The following GNAL variants were observed in gnomAD, a reference collection of about 807,000 sequenced individuals.
The protein encoded by GNAL is guanine nucleotide-binding protein G(olf) subunit alpha.
GNAL carries 18 observed loss-of-function variants against 55.1 expected under a neutral mutation model. The observed-to-expected ratio is 0.33, with a 90% CI of 0.23 to 0.48. The LOEUF is 0.48. GNAL is among the 20% of genes least tolerant of loss of function. The pLI is 0.99. For missense variants in GNAL, 412 were observed against 614.1 expected (o/e 0.67, Z 3.48); for synonymous variants, 253 against 237.0 (o/e 1.07, Z -0.62).
At chr18:11,775,869 A>C (rs1483602485) in intron 4 of GNAL, among the ~76,000 whole-genome samples, 1 of 152,210 alleles carries the variant, frequency 6.6e-6, no homozygotes, top group African/African-American at 2.4e-5. Context: ...TTATGTGGGA[A>C]AAAAGTTTTA....
chr18:11,816,745 C>T, intron 4 of GNAL, among the ~76,000 whole-genome samples: 1 of 149,838 alleles, frequency 6.7e-6, no homozygotes, highest in East Asian at 2.0e-4. Flanking sequence ...ACCTGGGAGG[C>T]GGAGGTTGCA....
At chr18:11,824,773 C>T (rs1647554) in intron 4 of GNAL, 145 bp from the exon 5 acceptor site, 1 of 569,080 alleles carries the variant, frequency 1.8e-6, no homozygotes, top group Non-Finnish European at 3.1e-6. Flanking sequence ...AACATAGAGT[C>T]GGTGCATTTT....
intron 6 of GNAL, among the ~76,000 whole-genome samples, chr18:11,862,664 C>G (rs1474516838): frequency 1.3e-5 from 2 of 152,174 alleles, no homozygotes; most frequent in Non-Finnish European, 2.9e-5. Flanking sequence ...TCAAAATTGC[C>G]AGCATGCAAA....
At chr18:11,745,149 C>CCAAGA (rs1250495427) in intron 1 of GNAL, among the ~76,000 whole-genome samples, 1 of 152,204 alleles carries the variant, frequency 6.6e-6, no homozygotes, top group Non-Finnish European at 1.5e-5. Context: ...AATGTATCCA[C>CCAAGA]CGTCTTGTGC....
rs188800083 is a variant in GNAL at position 11,842,265 on chromosome 18, G to C, written c.722+17250G>C. 3.7e-3 allele frequency among the ~76,000 whole-genome samples: 562 copies of C among 152,256 alleles called. 3 individuals are homozygous for C. Among genetic ancestry groups the C allele is most frequent in the Middle Eastern group, 0.014 (4 of 294 alleles). ...CAAATTGCTGGGATTACAGGCATGA[G>C]CCACCGCGCTCGGCCTAGTTCAGAT... On this transcript the variant is annotated intron_variant, in intron 5 of 11. Transcript: ENST00000334049.
intron 5 of GNAL, among the ~76,000 whole-genome samples, chr18:11,839,548 G>A (rs2035567451): frequency 1.1e-3 from 1 of 938 alleles, no homozygotes; most frequent in Non-Finnish European, 6.8e-3. Flanking sequence ...GCAAGACCTT[G>A]CCTCAAAAAA....
intron 11 of GNAL, among the ~76,000 whole-genome samples, chr18:11,877,433 C>G (rs2036558687): frequency 6.6e-6 from 1 of 152,168 alleles, no homozygotes; most frequent in South Asian, 2.1e-4. Flanking sequence ...CCAGCCTGGC[C>G]GACAGAGCGA....
intron 1 of GNAL, among the ~76,000 whole-genome samples, chr18:11,714,890 C>T (rs1196237870): frequency 6.6e-6 from 1 of 152,152 alleles, no homozygotes; most frequent in Non-Finnish European, 1.5e-5. Context: ...GCGGTTCACA[C>T]CAGCACTTTG....
intron 1 of GNAL, among the ~76,000 whole-genome samples, chr18:11,715,699 G>T (rs2031946989): frequency 6.6e-6 from 1 of 152,012 alleles, no homozygotes; most frequent in African/African-American, 2.4e-5. Flanking sequence ...ATAAGCCACA[G>T]GCCCATGGTC....
intron 5 of GNAL, among the ~76,000 whole-genome samples, chr18:11,838,586 A>G (rs1282086027): frequency 6.6e-6 from 1 of 152,166 alleles, no homozygotes; most frequent in Non-Finnish European, 1.5e-5. Context: ...ACTTCAGTAA[A>G]ATTAATTTGG....
At chr18:11,769,513 C>T (rs2033566091) in intron 4 of GNAL, among the ~76,000 whole-genome samples, 1 of 152,052 alleles carries the variant, frequency 6.6e-6, no homozygotes, top group Non-Finnish European at 1.5e-5. Context: ...AGAATGAGCC[C>T]TTGGTCTACA....
intron 5 of GNAL, among the ~76,000 whole-genome samples, chr18:11,833,314 AC>A (rs2035429327): frequency 6.6e-6 from 1 of 152,112 alleles, no homozygotes; most frequent in South Asian, 2.1e-4. Flanking sequence ...ACAGGCATGA[AC>A]CACTGTGCCC....
chr18:11,798,062 C>T (rs997665842), intron 4 of GNAL, among the ~76,000 whole-genome samples: 25 of 152,214 alleles, frequency 1.6e-4, no homozygotes, highest in Non-Finnish European at 3.7e-4. Flanking sequence ...TGATCAAATA[C>T]AATCTTCTAA....
intron 1 of GNAL, among the ~76,000 whole-genome samples, chr18:11,705,614 A>G (rs1480493084): frequency 6.6e-6 from 1 of 152,132 alleles, no homozygotes; most frequent in Non-Finnish European, 1.5e-5. Flanking sequence ...CTTTGCCGAC[A>G]CTTGCTAACT....
intron 5 of GNAL, among the ~76,000 whole-genome samples, chr18:11,856,680 C>T (rs1381771180): frequency 6.6e-6 from 1 of 152,090 alleles, no homozygotes; most frequent in African/African-American, 2.4e-5. Context: ...AATCCCAGCA[C>T]TTTGGGAGGC....
In GNAL at chr18:11,751,789, G is replaced by C. The variant is rs1243074326; in HGVS notation, c.377-1064G>C. The C allele has an allele frequency of 2.4e-6, 1 of 421,544 alleles. No individual in the cohort carries two copies. Among genetic ancestry groups the C allele is most frequent in the East Asian group, 1.6e-4 (1 of 6,310 alleles). 26.1% of individuals were successfully genotyped at this position (421,544 alleles called of 1,614,324 possible). On this transcript the variant is annotated intron_variant, in intron 1 of 11. Coordinates refer to ENST00000334049, the MANE Select transcript of GNAL (RefSeq NM_182978.4). This position sits in a 1 kb window ranked among gnomAD's most constrained non-coding sequence, Gnocchi z 4.5. ...CGGTAGCGCCTCTCCGAGAGCTCCGGGACCAGCGGCCCGGCCGCCCCCAAA... is the reference window on the plus strand; with the variant it reads ...CGGTAGCGCCTCTCCGAGAGCTCCGCGACCAGCGGCCCGGCCGCCCCCAAA...
chr18:11,773,058 T>C (rs1255909902), intron 4 of GNAL, among the ~76,000 whole-genome samples: 1 of 152,150 alleles, frequency 6.6e-6, no homozygotes, highest in African/African-American at 2.4e-5. Context: ...AGCAGTGACA[T>C]CTGCTGCATC....
intron 1 of GNAL, among the ~76,000 whole-genome samples, chr18:11,726,738 G>A (rs1003349635): frequency 3.3e-5 from 5 of 152,086 alleles, no homozygotes; most frequent in African/African-American, 1.2e-4. Flanking sequence ...ATAGAATTAC[G>A]TAACCATGAG....
rs188759068 is a variant in GNAL, at chr18:11,881,471, T to G, written c.*336T>G. On this transcript the variant is annotated 3_prime_UTR_variant, in exon 12 of 12. Coordinates refer to ENST00000334049, the MANE Select transcript of GNAL (RefSeq NM_182978.4). This position sits in a 1 kb window ranked among gnomAD's most constrained non-coding sequence, Gnocchi z 4.8. Reference sequence around the variant, plus strand: ...GTAGATGGGGAGAAAACACAGTTGGTTTTTTTTTCCACGTTATCAACCGTG... The same window carrying G: ...GTAGATGGGGAGAAAACACAGTTGGGTTTTTTTTCCACGTTATCAACCGTG... 2.9e-3 allele frequency: 603 copies of G among 207,932 alleles called. 13 individuals carry two copies. Among genetic ancestry groups the G allele is most frequent in the South Asian group, 2.5e-3 (21 of 8,494 alleles). 12.9% of individuals were successfully genotyped at this position (207,932 alleles called of 1,614,324 possible). A position where few individuals can be genotyped will look rare whatever the true frequency, so the allele number is the denominator to read the frequency against.
Sources: allele counts gnomAD v4.1 joint callset (sites outside exome capture counted in the v4.1 genomes callset), GRCh38; gene constraint gnomAD v4.1.1; non-coding constraint Gnocchi (gnomAD v3.1); transcripts MANE v1.5; gene names NCBI Gene and HGNC (gene_info 2026-07-23, HGNC 2026-07-21).